CAMTA1: variants seen among roughly 807,000 people sequenced by gnomAD.
CAMTA1 encodes the protein calmodulin-binding transcription activator 1.
CAMTA1 carries 27 observed loss-of-function variants against 170.9 expected under a neutral mutation model. That is an observed-to-expected ratio of 0.16 (90% CI 0.12 to 0.22). The LOEUF (loss-of-function observed/expected upper bound fraction) is 0.22, where lower values mean the gene tolerates loss of function less well. Ranked by LOEUF, CAMTA1 falls within the 10% of genes least tolerant of loss-of-function variation. CAMTA1 has a pLI of 1.00. For synonymous variants in CAMTA1, 833 were observed against 891.5 expected (o/e 0.93, Z 1.17); for missense variants, 1,619 against 2,217.2 (o/e 0.73, Z 5.42).
intron 4 of CAMTA1, among the ~76,000 whole-genome samples, chr1:7,203,714 T>C (rs942652393): frequency 2.6e-5 from 4 of 151,948 alleles, no homozygotes; most frequent in Non-Finnish European, 5.9e-5. Context: ...CCTGTTCTCA[T>C]TTTTGCCTCT....
At chr1:7,425,617 GT>G in intron 5 of CAMTA1, among the ~76,000 whole-genome samples, 1 of 152,120 alleles carries the variant, frequency 6.6e-6, no homozygotes, top group East Asian at 1.9e-4. Flanking sequence ...TCAGAGGAGA[GT>G]CAGAGGGGGC....
chr1:7,118,778 C>G (rs953126198), intron 4 of CAMTA1, among the ~76,000 whole-genome samples: 8 of 152,034 alleles, frequency 5.3e-5, no homozygotes, highest in Non-Finnish European at 1.2e-4. Context: ...TTTGGTGGCA[C>G]CAGAACCATT....
intron 3 of CAMTA1, among the ~76,000 whole-genome samples, chr1:6,841,643 G>T (rs1655758316): frequency 6.6e-6 from 1 of 152,160 alleles, no homozygotes; most frequent in African/African-American, 2.4e-5. Flanking sequence ...GGACAGCTCT[G>T]AGAGGATGAA....
At chr1:6,899,334 A>G (rs542496287) in intron 3 of CAMTA1, among the ~76,000 whole-genome samples, 10 of 152,214 alleles carry the variant, frequency 6.6e-5, no homozygotes, top group Non-Finnish European at 1.5e-4. Context: ...TTTCTTCAGC[A>G]CATGTTTTGT....
intron 5 of CAMTA1, among the ~76,000 whole-genome samples, chr1:7,348,732 C>G (rs1415033076): frequency 6.6e-6 from 1 of 152,196 alleles, no homozygotes. Context: ...CAATCCAGGT[C>G]CGTTCACCCC....
At chr1:7,505,363 G>A (rs1019493764) in intron 6 of CAMTA1, among the ~76,000 whole-genome samples, 1 of 152,178 alleles carries the variant, frequency 6.6e-6, no homozygotes, top group African/African-American at 2.4e-5. Flanking sequence ...CTACCTGAGG[G>A]GTGTGCTGGG....
At position 7,435,295 on chromosome 1, in the gene CAMTA1, C is replaced by T. The variant is rs1335206597; in HGVS notation, c.439-32535C>T. 2.0e-5 allele frequency among the ~76,000 whole-genome samples: 3 copies of T among 152,164 alleles called. No individual in the cohort carries two copies. Among genetic ancestry groups the T allele is most frequent in the Non-Finnish European group, 2.9e-5 (2 of 68,032 alleles). ...ACAGTCCAGTGGGGAGATCAGGCCC[C>T]AGGCTGCCTTTATTCTCACTGTCTC... On this transcript the variant is annotated intron_variant, in intron 5 of 22. Coordinates refer to ENST00000303635, the MANE Select transcript of CAMTA1 (RefSeq NM_015215.4). The surrounding 1 kb of genome is among the most constrained non-coding windows in gnomAD (Gnocchi z 4.4).
intron 3 of CAMTA1, among the ~76,000 whole-genome samples, chr1:7,069,836 C>T (rs1323588173): frequency 6.6e-6 from 1 of 152,196 alleles, no homozygotes; most frequent in African/African-American, 2.4e-5. Context: ...GAAAATATTA[C>T]GCAGTACAAA....
At chr1:7,322,468 C>T (rs1400019946) in intron 5 of CAMTA1, among the ~76,000 whole-genome samples, 1 of 152,216 alleles carries the variant, frequency 6.6e-6, no homozygotes, top group Non-Finnish European at 1.5e-5. Flanking sequence ...ATGCGTGTGG[C>T]TATGTTCTAA....
chr1:7,485,236 C>T (rs1021750373), intron 6 of CAMTA1, among the ~76,000 whole-genome samples: 4 of 152,198 alleles, frequency 2.6e-5, no homozygotes, highest in African/African-American at 9.6e-5. Context: ...CATTACATAG[C>T]TGCAGTTGCC....
chr1:7,382,714 A>G (rs996888774), intron 5 of CAMTA1: 4 of 152,216 alleles, frequency 2.6e-5, no homozygotes, highest in Non-Finnish European at 1.5e-5. Flanking sequence ...CCATACATTG[A>G]TGAGCCCTCC....
intron 5 of CAMTA1, among the ~76,000 whole-genome samples, chr1:7,331,690 G>A (rs765392768): frequency 2.0e-5 from 3 of 152,142 alleles, no homozygotes; most frequent in African/African-American, 4.8e-5. Context: ...AGAGCTGACC[G>A]TGGTCAGAAC....
chr1:6,870,507 A>G (rs1391282342), intron 3 of CAMTA1, among the ~76,000 whole-genome samples: 1 of 152,222 alleles, frequency 6.6e-6, no homozygotes. Flanking sequence ...GTAAGCCTCT[A>G]GAAAGAATAT....
chr1:6,794,396 C>T (rs537241256), intron 1 of CAMTA1, among the ~76,000 whole-genome samples: 1 of 152,236 alleles, frequency 6.6e-6, no homozygotes, highest in South Asian at 2.1e-4. Context: ...GTGAGATGAT[C>T]TCTTCACATT....
At chr1:7,657,743 G>A (rs1460975732) in intron 7 of CAMTA1, among the ~76,000 whole-genome samples, 1 of 152,176 alleles carries the variant, frequency 6.6e-6, no homozygotes, top group Non-Finnish European at 1.5e-5. Flanking sequence ...CACCACCTCA[G>A]AGGAGGGGCT....
intron 4 of CAMTA1, among the ~76,000 whole-genome samples, chr1:7,185,429 G>A (rs1182551862): frequency 6.6e-6 from 1 of 152,168 alleles, no homozygotes; most frequent in Admixed American, 6.5e-5. Flanking sequence ...AAAAGACACA[G>A]AGCCAGGCAA....
At chr1:7,227,494 A>AT (rs952481872) in intron 4 of CAMTA1, among the ~76,000 whole-genome samples, 3 of 151,030 alleles carry the variant, frequency 2.0e-5, no homozygotes, top group African/African-American at 7.3e-5. Context: ...TGCCTGGCTA[A>AT]TTTTTTGTAT....
chr1:6,919,137 C>T (rs758981598), intron 3 of CAMTA1, among the ~76,000 whole-genome samples: 4 of 152,336 alleles, frequency 2.6e-5, no homozygotes, highest in African/African-American at 4.8e-5. Flanking sequence ...CGTGGTGAGC[C>T]GCCCTGCCTC....
chr1:6,925,812 A>G (rs76066289), intron 3 of CAMTA1, among the ~76,000 whole-genome samples: 14,091 of 152,214 alleles, frequency 0.093, 929 homozygotes, highest in East Asian at 0.23. Context: ...GTGTGAGGTC[A>G]CTGGAGCCTG....
Sources: gnomAD v4.1 joint callset for allele counts (sites outside exome capture counted in the v4.1 genomes callset) on GRCh38, gnomAD v4.1.1 for gene constraint, Gnocchi (gnomAD v3.1) non-coding constraint, MANE v1.5 for transcripts, NCBI Gene and HGNC (gene_info 2026-07-23, HGNC 2026-07-21) for gene names.